Variants in PCDHGA12 observed in about 807,000 individuals in gnomAD.
PCDHGA12 encodes the protein protocadherin gamma-A12.
In PCDHGA12, 43 loss-of-function variants were observed where a neutral mutation model predicts 61.1. That is an observed-to-expected ratio of 0.70 (90% CI 0.55 to 0.91). PCDHGA12 has a LOEUF of 0.91. PCDHGA12 is among the 40% of genes least tolerant of loss of function. The pLI, the probability that PCDHGA12 is intolerant of heterozygous loss-of-function variation, is 0.00. For missense variants in PCDHGA12, 1,236 were observed against 1,227.7 expected (o/e 1.01, Z -0.10); for synonymous variants, 520 against 542.9 (o/e 0.96, Z 0.59).
Position 141,476,116 on chromosome 5 carries a change from G to C in PCDHGA12, c.2425-18691G>C, listed in dbSNP as rs367958555. On this transcript the variant is annotated intron_variant, in intron 1 of 3. Transcript: ENST00000252085. The surrounding 1 kb of genome is among the most constrained non-coding windows in gnomAD (Gnocchi z 7.6). ...GCTGAGAGGAACTGCTTTTGAGTGA[G>C]ATGGTCCCAGAGGCCTGGAGGAGCG... 504 of 1,593,954 alleles carry C rather than the reference G, an allele frequency of 3.2e-4. No individual in the cohort carries two copies. Among genetic ancestry groups the C allele is most frequent in the Non-Finnish European group, 4.1e-4 (479 of 1,172,292 alleles).
chr5:141,490,837 G>A lies in PCDHGA12; in HGVS notation c.2425-3970G>A. On this transcript the variant is annotated intron_variant, in intron 1 of 3. Coordinates refer to ENST00000252085, the MANE Select transcript of PCDHGA12 (RefSeq NM_003735.3). This position sits in a 1 kb window ranked among gnomAD's most constrained non-coding sequence, Gnocchi z 5.4. ...TGAATTGCTGCAGATGCTGCAGATTGTGGTGGGGGTTCGAGACTCCGGCTC... is the reference window on the plus strand; with the variant it reads ...TGAATTGCTGCAGATGCTGCAGATTATGGTGGGGGTTCGAGACTCCGGCTC... The A allele has an allele frequency of 1.9e-6, 3 of 1,613,914 alleles. No homozygotes were observed. The highest frequency in any genetic ancestry group is 2.2e-5 in the South Asian group (2 of 91,072).
chr5:141,509,621 C>T (rs1179988828), intron 3 of PCDHGA12, among the ~76,000 whole-genome samples: 1 of 152,178 alleles, frequency 6.6e-6, no homozygotes, highest in African/African-American at 2.4e-5. Flanking sequence ...AAACAAGTTC[C>T]TGGGTGATGC....
rs1457765340 is a variant in PCDHGA12 at position 141,491,122 on chromosome 5, G to GT, written c.2425-3684dup. 1 of 1,614,058 alleles carries GT rather than the reference G, an allele frequency of 6.2e-7. No homozygotes were observed. Among genetic ancestry groups the GT allele is most frequent in the Non-Finnish European group, 8.5e-7 (1 of 1,180,036 alleles). Reference sequence around the variant, plus strand: ...CCTCGTGTCTACACACACTGGTGAGGTGCGCACAGCCCGGGCCTTACTGGA... The same window carrying GT: ...CCTCGTGTCTACACACACTGGTGAGGTTGCGCACAGCCCGGGCCTTACTGGA... On this transcript the variant is annotated intron_variant, in intron 1 of 3. Coordinates refer to ENST00000252085, the MANE Select transcript of PCDHGA12 (RefSeq NM_003735.3). The surrounding 1 kb of genome is among the most constrained non-coding windows in gnomAD (Gnocchi z 6.9).
intron 1 of PCDHGA12, among the ~76,000 whole-genome samples, chr5:141,455,138 TTAAA>T (rs1193499111): frequency 1.3e-5 from 2 of 151,028 alleles, no homozygotes; most frequent in Admixed American, 1.3e-4. Context: ...TTACACTGTG[TTAAA>T]TAAATATTAG....
chr5:141,477,571 C>T lies in PCDHGA12; in HGVS notation c.2425-17236C>T, dbSNP rs1470454976. The T allele has an allele frequency of 8.1e-6, 13 of 1,614,160 alleles. No individual in the cohort carries two copies. Among genetic ancestry groups the T allele is most frequent in the Middle Eastern group, 1.7e-4 (1 of 6,060 alleles). ...TAAACCTAAGTGTCTGGGACCCCGACGCCCCGCAGAATGCTCGGCTTTCTT... is the reference window on the plus strand; with the variant it reads ...TAAACCTAAGTGTCTGGGACCCCGATGCCCCGCAGAATGCTCGGCTTTCTT... On this transcript the variant is annotated intron_variant, in intron 1 of 3. Transcript: ENST00000252085. This position sits in a 1 kb window ranked among gnomAD's most constrained non-coding sequence, Gnocchi z 4.9.
chr5:141,510,529 A>G (rs2099881539), intron 3 of PCDHGA12, among the ~76,000 whole-genome samples: 2 of 152,242 alleles, frequency 1.3e-5, no homozygotes, highest in Admixed American at 6.5e-5. Flanking sequence ...CCCTGAGAGA[A>G]ATACCAGCGA....
At chr5:141,505,275 AGGTCTTGGGCATGGGGTAG>A (rs1251192617) in intron 2 of PCDHGA12, 99 bp from the exon 3 acceptor site, 87 of 1,525,470 alleles carry the variant, frequency 5.7e-5, no homozygotes, top group Non-Finnish European at 2.0e-5. Context: ...TGAGAGAAAC[AGGTCTTGGGCATGGGGTAG>A]GGTTAGGGTA....
chr5:141,452,360 C>A (rs1045666881), intron 1 of PCDHGA12, among the ~76,000 whole-genome samples: 3 of 152,172 alleles, frequency 2.0e-5, no homozygotes, highest in Non-Finnish European at 4.4e-5. Flanking sequence ...AAAAGCCTTG[C>A]TTCATTTTAG....
intron 2 of PCDHGA12, among the ~76,000 whole-genome samples, chr5:141,499,800 C>A (rs2099794584): frequency 6.6e-6 from 1 of 150,704 alleles, no homozygotes; most frequent in Admixed American, 6.7e-5. Context: ...AATTCTCATG[C>A]TTCAGCCTCC....
intron 1 of PCDHGA12, among the ~76,000 whole-genome samples, chr5:141,454,703 A>C (rs933041937): frequency 1.3e-5 from 2 of 150,198 alleles, no homozygotes; most frequent in African/African-American, 4.9e-5. Flanking sequence ...ACCATGCTCC[A>C]CCTGCTTATT....
intron 2 of PCDHGA12, among the ~76,000 whole-genome samples, chr5:141,497,126 C>T (rs565697662): frequency 8.2e-4 from 125 of 151,844 alleles, no homozygotes; most frequent in African/African-American, 3.0e-3. Flanking sequence ...GCAGAGGTTG[C>T]AGTGAGCTGA....
chr5:141,432,611 T>C lies in PCDHGA12; in HGVS notation c.1852T>C (p.Ser618Pro), dbSNP rs141541670. The change falls in exon 1 of 4, where the codon TCG (serine) becomes CCG (proline). Residue 618 changes from serine to proline, a missense_variant. Transcript: ENST00000252085. This position sits in a 1 kb window ranked among gnomAD's most constrained non-coding sequence, Gnocchi z 6.0. ...LLKASEPGLF[S>P]VGLHTGEVRT... ...CAAGGCCAGCGAGCCGGGACTCTTC[T>C]CGGTGGGTCTGCACACGGGCGAGGT... The C allele has an allele frequency of 2.5e-6, 4 of 1,613,860 alleles. No homozygotes were observed. In the South Asian group the frequency reaches 4.4e-5, roughly 18 times the overall value.
chr5:141,450,678 G>C (rs1038323301), intron 1 of PCDHGA12, among the ~76,000 whole-genome samples: 1 of 151,854 alleles, frequency 6.6e-6, no homozygotes, highest in Non-Finnish European at 1.5e-5. Context: ...GTAGAAACGG[G>C]GTTTTGCCAT....
At chr5:141,436,214 A>G (rs1242199916) in intron 1 of PCDHGA12, among the ~76,000 whole-genome samples, 5 of 152,160 alleles carry the variant, frequency 3.3e-5, no homozygotes, top group African/African-American at 7.2e-5. Context: ...AGGAAAACAA[A>G]TGACTTGGGA....
At chr5:141,441,638 G>A (rs1456506194) in intron 1 of PCDHGA12, 2 of 226,008 alleles carry the variant, frequency 8.8e-6, no homozygotes, top group Non-Finnish European at 1.8e-5. Flanking sequence ...AGCCACAGGC[G>A]CTGTGATTCT....
At chr5:141,456,259 C>T (rs1456888951) in intron 1 of PCDHGA12, among the ~76,000 whole-genome samples, 1 of 152,122 alleles carries the variant, frequency 6.6e-6, no homozygotes, top group Non-Finnish European at 1.5e-5. Flanking sequence ...GCGACCATTG[C>T]TTCTGGCTAC....
At position 141,489,886 on chromosome 5, in the gene PCDHGA12, G is replaced by A; in HGVS notation, c.2425-4921G>A. ...ACATCAGCTGGTGCTTACTGCTGTG[G>A]ATGGGGGGACCCCAGCCCGCTCAGG... is the stretch of plus-strand genomic sequence containing the variant. On this transcript the variant is annotated intron_variant, in intron 1 of 3. Transcript: ENST00000252085. This position sits in a 1 kb window ranked among gnomAD's most constrained non-coding sequence, Gnocchi z 4.5. 6.2e-7 allele frequency: 1 copy of A among 1,614,256 alleles called. No individual in the cohort carries two copies. The highest frequency in any genetic ancestry group is 8.5e-7 in the Non-Finnish European group (1 of 1,180,044).
intron 1 of PCDHGA12, among the ~76,000 whole-genome samples, chr5:141,435,219 C>A (rs1226171884): frequency 6.6e-6 from 1 of 152,118 alleles, no homozygotes; most frequent in Non-Finnish European, 1.5e-5. Flanking sequence ...AATTTACTTT[C>A]TTTCAAAGTT....
intron 1 of PCDHGA12, among the ~76,000 whole-genome samples, chr5:141,467,008 A>AT (rs1165146249): frequency 6.7e-6 from 1 of 150,270 alleles, no homozygotes; most frequent in Non-Finnish European, 1.5e-5. Context: ...TTGCAATGCA[A>AT]TTTTTTTCCC....
Sources: gnomAD v4.1 joint callset for allele counts (sites outside exome capture counted in the v4.1 genomes callset) on GRCh38, gnomAD v4.1.1 for gene constraint, Gnocchi (gnomAD v3.1) non-coding constraint, MANE v1.5 for transcripts, NCBI Gene and HGNC (gene_info 2026-07-23, HGNC 2026-07-21) for gene names.